ZFP64: variants seen among roughly 807,000 people sequenced by gnomAD.
ZFP64 encodes zinc finger protein 64.
Under a neutral mutation model 51.6 loss-of-function variants are expected in ZFP64, and 14 were observed. The observed-to-expected ratio is 0.27, with a 90% confidence interval of 0.18 to 0.42. ZFP64 has a LOEUF of 0.42. Ranked by LOEUF, ZFP64 falls within the 10% of genes least tolerant of loss-of-function variation. ZFP64 has a pLI of 1.00. For synonymous variants in ZFP64, 375 were observed against 361.4 expected, an observed-to-expected ratio of 1.04 and a Z score of -0.43; for missense variants, 754 against 906.8, an observed-to-expected ratio of 0.83 and a Z score of 2.16.
At chr20:52,111,454 A>T (rs998339333) in intron 5 of ZFP64, among the ~76,000 whole-genome samples, 4 of 151,838 alleles carry the variant, frequency 2.6e-5, no homozygotes, top group African/African-American at 4.8e-5. Context: ...ACCTCAGGTG[A>T]TCTGCCTGCT....
intron 5 of ZFP64, among the ~76,000 whole-genome samples, chr20:52,136,235 A>G (rs1396224298): frequency 6.6e-6 from 1 of 152,120 alleles, no homozygotes; most frequent in Non-Finnish European, 1.5e-5. Context: ...CTGATCACCT[A>G]AGAACGCGCA....
At chr20:52,100,542 A>C (rs529025081) in intron 5 of ZFP64, among the ~76,000 whole-genome samples, 1 of 152,172 alleles carries the variant, frequency 6.6e-6, no homozygotes, top group Non-Finnish European at 1.5e-5. Flanking sequence ...CACTGTGTAC[A>C]GCCATCTAAA....
intron 2 of ZFP64, among the ~76,000 whole-genome samples, chr20:52,176,505 C>CTCTTTTTTTTTTTTTTTTTT (rs1555810297): frequency 1.5e-5 from 2 of 136,722 alleles, no homozygotes; most frequent in African/African-American, 5.5e-5. Context: ...TTCAATCTCT[C>CTCTTTTTTTTTTTTTTTTTT]TTTTTTTTTT....
At chr20:52,084,368 T>C in exon 9 of ZFP64, 1 of 591,296 alleles carries the variant, frequency 1.7e-6, no homozygotes, top group Non-Finnish European at 2.9e-6. Flanking sequence ...GCGAGGAGTG[T>C]CTCCACAGCC....
chr20:52,166,945 T>TC (rs34963386), intron 2 of ZFP64, among the ~76,000 whole-genome samples: 31 of 150,860 alleles, frequency 2.1e-4, no homozygotes, highest in Non-Finnish European at 2.2e-4. Context: ...CATAAGTATT[T>TC]CCCCCCCTCA....
Position 52,086,773 on chromosome 20 carries a change from C to T in ZFP64, c.1229-1507G>A, listed in dbSNP as rs188365435. The stretch of plus-strand genomic sequence containing the variant: ...GATTACAGGCTTGAGCCACCGCGCC[C>T]GGCCCTTTCACAAGGAATTTTTAAA... On this transcript the variant is annotated intron_variant, in intron 8 of 8. Transcript: ENST00000361387. Among the ~76,000 whole-genome samples the T allele has an allele frequency of 9.6e-3, 1,466 of 152,192 alleles. 17 individuals carry two copies. The highest frequency in any genetic ancestry group is 0.033 in the African/African-American group (1,384 of 41,530).
intron 5 of ZFP64, chr20:52,104,949 C>T: frequency 1.4e-6 from 1 of 716,266 alleles, no homozygotes; most frequent in Non-Finnish European, 2.3e-6. Context: ...CGGTGGACTC[C>T]AGGAGAGTGT....
At chr20:52,179,618 C>G (rs1406672130) in intron 2 of ZFP64, among the ~76,000 whole-genome samples, 2 of 152,174 alleles carry the variant, frequency 1.3e-5, no homozygotes, top group African/African-American at 2.4e-5. Context: ...ACTTCAGATT[C>G]TTTTTTAAGG....
At chr20:52,167,008 A>T (rs1982331432) in intron 2 of ZFP64, among the ~76,000 whole-genome samples, 5 of 151,732 alleles carry the variant, frequency 3.3e-5, no homozygotes, top group Admixed American at 3.3e-4. Flanking sequence ...AAAAAAAAAT[A>T]GCAAAACACA....
At chr20:52,107,707 C>T (rs1411918826) in intron 5 of ZFP64, among the ~76,000 whole-genome samples, 3 of 152,116 alleles carry the variant, frequency 2.0e-5, no homozygotes, top group African/African-American at 4.8e-5. Context: ...TTATTGATTT[C>T]GACTGCTCTG....
At chr20:52,149,164 T>C (rs1453331602), downstream of ZFP64, among the ~76,000 whole-genome samples, 2 of 151,612 alleles carry the variant, frequency 1.3e-5, no homozygotes, top group African/African-American at 2.4e-5. Context: ...CTTCCAAAGG[T>C]AGTTGAGCTC....
At chr20:52,098,172 C>CAA (rs34173401) in intron 6 of ZFP64, among the ~76,000 whole-genome samples, 3,781 of 123,944 alleles carry the variant, frequency 0.031, 206 homozygotes, top group African/African-American at 0.094. Context: ...AAACTGTCTC[C>CAA]AAAAAAAAAA....
At chr20:52,127,568 G>C (rs1362754910) in intron 5 of ZFP64, among the ~76,000 whole-genome samples, 1 of 152,096 alleles carries the variant, frequency 6.6e-6, no homozygotes, top group Admixed American at 6.6e-5. Context: ...TTTGCCTTCT[G>C]CCATGACTGT....
intron 2 of ZFP64, among the ~76,000 whole-genome samples, chr20:52,185,075 G>A (rs1983863761): frequency 1.3e-5 from 2 of 152,190 alleles, no homozygotes; most frequent in African/African-American, 4.8e-5. Flanking sequence ...CCAGGCTGGA[G>A]TGCAGTGGCA....
Position 52,152,180 on chromosome 20 carries a change from G to A in ZFP64, c.2012C>T (p.Ala671Val). Residue 671 changes from alanine to valine, a missense_variant, in exon 6 of 6, where the codon GCT becomes GTT. By Grantham distance (64) the Ala-to-Val change is moderately conservative (BLOSUM62 0). Around this residue, in one of 3 missense-constraint regions of ZFP64, gnomAD observed 428 missense variants for 472.4 expected, o/e 0.91. Transcript: ENST00000216923. ...AATGGAGTCGGCGGGACAGAGCAAAGCTGGATGGGCTGCCCCTTGAATGAT... is the reference window on the plus strand; with the variant it reads ...AATGGAGTCGGCGGGACAGAGCAAAACTGGATGGGCTGCCCCTTGAATGAT... The part of the protein sequence containing the change: ...YSIIQGAAHP[A>V]LLCPADSIPD The A allele has an allele frequency of 6.2e-7, 1 of 1,614,156 alleles. No homozygotes were observed. The highest frequency in any genetic ancestry group is 8.5e-7 in the Non-Finnish European group (1 of 1,180,028).
chr20:52,158,801 T>C (rs764548977), intron 5 of ZFP64, among the ~76,000 whole-genome samples: 1 of 152,218 alleles, frequency 6.6e-6, no homozygotes, highest in African/African-American at 2.4e-5. Flanking sequence ...TCACTGTCAG[T>C]GAGCTCAGTC....
chr20:52,107,131 A>G (rs908845787), intron 5 of ZFP64, among the ~76,000 whole-genome samples: 2 of 151,960 alleles, frequency 1.3e-5, no homozygotes, highest in Non-Finnish European at 2.9e-5. Context: ...CACGTTTATC[A>G]TATCTCCTTT....
intron 5 of ZFP64, among the ~76,000 whole-genome samples, chr20:52,136,096 C>CAAAAAAA: frequency 2.6e-5 from 1 of 38,040 alleles, no homozygotes; most frequent in Non-Finnish European, 4.4e-5. Flanking sequence ...GAGACTCTCT[C>CAAAAAAA]AAAAAAAAAA....
chr20:52,104,049 G>C (rs764747181), intron 5 of ZFP64, among the ~76,000 whole-genome samples: 51 of 152,182 alleles, frequency 3.4e-4, no homozygotes, highest in Non-Finnish European at 6.0e-4. Context: ...GAAAGAGCGG[G>C]GGAGAAGAGG....
Sources: gnomAD v4.1 joint callset for allele counts (sites outside exome capture counted in the v4.1 genomes callset) on GRCh38, gnomAD v4.1.1 for gene constraint, gnomAD v4.1.1 regional missense constraint, MANE v1.5 for transcripts, NCBI Gene and HGNC (gene_info 2026-07-23, HGNC 2026-07-21) for gene names.